Variants in LRCH3 observed in about 807,000 individuals in gnomAD.
The protein encoded by LRCH3 is leucine rich repeats and calponin homology domain containing 3, also known as DISP complex protein LRCH3.
Under a neutral mutation model 104.5 loss-of-function variants are expected in LRCH3, and 68 were observed. The observed-to-expected ratio is 0.65, with a 90% confidence interval of 0.54 to 0.80. The LOEUF (loss-of-function observed/expected upper bound fraction) is 0.80, where lower values mean the gene tolerates loss of function less well. Ranked by LOEUF, LRCH3 falls within the 30% of genes least tolerant of loss-of-function variation. The pLI is 0.00. For synonymous variants in LRCH3, 344 were observed against 361.3 expected, an observed-to-expected ratio of 0.95 and a Z score of 0.54; for missense variants, 951 against 953.9, an observed-to-expected ratio of 1.00 and a Z score of 0.04.
chr3:197,795,197 C>G (rs375658521), intron 1 of LRCH3, among the ~76,000 whole-genome samples: 1 of 151,886 alleles, frequency 6.6e-6, no homozygotes, highest in Non-Finnish European at 1.5e-5. Context: ...GTGGACAGCA[C>G]GCAAAAAATG....
intron 10 of LRCH3, among the ~76,000 whole-genome samples, chr3:197,846,897 A>G (rs1347423335): frequency 6.6e-6 from 1 of 152,120 alleles, no homozygotes; most frequent in African/African-American, 2.4e-5. Flanking sequence ...TTAAGCATTA[A>G]AAAGGGCTTT....
intron 20 of LRCH3, among the ~76,000 whole-genome samples, chr3:197,879,387 C>CTG (rs1713295455): frequency 6.6e-6 from 1 of 152,184 alleles, no homozygotes; most frequent in Admixed American, 6.5e-5. Flanking sequence ...TGGCTCACGC[C>CTG]TGTAATCCCA....
intron 15 of LRCH3, among the ~76,000 whole-genome samples, chr3:197,861,576 C>T (rs954377124): frequency 2.6e-5 from 4 of 152,096 alleles, no homozygotes; most frequent in African/African-American, 7.2e-5. Context: ...TTTTTCTATC[C>T]GACCTGCTGT....
At position 197,822,841 on chromosome 3, in the gene LRCH3, ACT is replaced by A. The variant is rs1376674523; in HGVS notation, c.640+2414_640+2415del. 6 of 148,030 alleles carry A rather than the reference ACT, an allele frequency of 4.1e-5. No individual in the cohort carries two copies. In the South Asian group the frequency reaches 8.5e-4, roughly 21 times the overall value. The allele number at this position is 148,030 out of a possible 1,614,324, so 9.2% of individuals were successfully genotyped here. The stretch of plus-strand genomic sequence containing the variant: ...TTTTTTTTTCTTGAGACGGAGTCTC[ACT>A]CTGTCACGCAGGCTGGAGTGCAGTG... On this transcript the variant is annotated intron_variant, in intron 4 of 20. Transcript: ENST00000425562.
rs188653298 is a variant in LRCH3 at position 197,816,499 on chromosome 3, C to T, written c.408-677C>T. On this transcript the variant is annotated intron_variant, in intron 2 of 20. Transcript: ENST00000425562. ...TTCGCCATGTTGGCCAGGCTGGTCT[C>T]GAACCCCTGACCTCCGGTGATCCAC... is the stretch of plus-strand genomic sequence containing the variant. 2.9e-3 allele frequency among the ~76,000 whole-genome samples: 439 copies of T among 152,260 alleles called. 3 individuals are homozygous for T. Among genetic ancestry groups the T allele is most frequent in the African/African-American group, 9.8e-3 (407 of 41,550 alleles).
chr3:197,791,704 C>T (rs1439582333), intron 1 of LRCH3, among the ~76,000 whole-genome samples, 164 bp downstream of exon 1: 8 of 152,014 alleles, frequency 5.3e-5, no homozygotes, highest in Non-Finnish European at 8.8e-5. Context: ...TCCGGGCCTG[C>T]GCCAGACCCA....
Position 197,791,388 on chromosome 3 carries a change from G to A in LRCH3, c.110G>A (p.Gly37Asp), listed in dbSNP as rs878970073. The A allele has an allele frequency of 6.3e-7, 1 of 1,596,422 alleles. No homozygotes were observed. Among genetic ancestry groups the A allele is most frequent in the Admixed American group, 1.8e-5 (1 of 56,542 alleles). ...GVHCGPSSGA[G>D]PGFGPGSWSR... is the part of the protein sequence containing the mutation. ...CACTGCGGCCCAAGCTCCGGGGCAG[G>A]CCCTGGTTTTGGCCCGGGCTCGTGG... Residue 37 changes from glycine to aspartate, a missense_variant, in exon 1 of 21, where the codon GGC (glycine) becomes GAC (aspartate). Gly to Asp is a moderately conservative substitution (Grantham distance 94). Coordinates refer to ENST00000425562, the MANE Select transcript of LRCH3 (RefSeq NM_001365715.1).
rs530311814 is a variant in LRCH3 at position 197,887,421 on chromosome 3, C to G, written c.*3755C>G. On this transcript the variant is annotated 3_prime_UTR_variant, in exon 21 of 21. Transcript: ENST00000425562. Reference sequence around the variant, plus strand: ...GAGAGCTCCCCCAGCAGAGCCCTTCCCATCACTGAACAGTGTTGGCGGCTG... The same window carrying G: ...GAGAGCTCCCCCAGCAGAGCCCTTCGCATCACTGAACAGTGTTGGCGGCTG... 2.0e-5 allele frequency: 3 copies of G among 147,192 alleles called. No individual in the cohort carries two copies. In the East Asian group the frequency reaches 6.1e-4, roughly 30 times the overall value. 9.1% of individuals were successfully genotyped at this position (147,192 alleles called of 1,614,324 possible).
chr3:197,839,251 A>G lies in LRCH3; in HGVS notation c.1252-70A>G, dbSNP rs1580744810. The stretch of plus-strand genomic sequence containing the variant: ...ATATATAAATTAAATGACAAATTGG[A>G]TGTGAACTGTGTAATCGCAGTGTTC... On this transcript the variant is annotated intron_variant, in intron 9 of 20. Coordinates refer to ENST00000425562, the MANE Select transcript of LRCH3 (RefSeq NM_001365715.1). 41 of 943,874 alleles carry G rather than the reference A, an allele frequency of 4.3e-5. 1 individual carries two copies. In the East Asian group the frequency reaches 1.1e-3, roughly 26 times the overall value. 58.5% of individuals were successfully genotyped at this position (943,874 alleles called of 1,614,324 possible). A position where few individuals can be genotyped will look rare whatever the true frequency, so the allele number is the denominator to read the frequency against.
In LRCH3 at chr3:197,829,687, G is replaced by C; in HGVS notation, c.887+14G>C. ...TTTTGGCTCCTGGTAAGTATATTCT[G>C]TCCCTTTATCTATCATATTTTTTGT... On this transcript the variant is annotated intron_variant, in intron 6 of 20. Transcript: ENST00000425562. 2 of 1,529,622 alleles carry C rather than the reference G, an allele frequency of 1.3e-6. No individual in the cohort carries two copies. Among genetic ancestry groups the C allele is most frequent in the East Asian group, 2.3e-5 (1 of 44,402 alleles). The allele number at this position is 1,529,622 out of a possible 1,614,324, so 94.8% of individuals were successfully genotyped here.
intron 5 of LRCH3, 115 bp from the exon 6 acceptor site, chr3:197,829,449 A>G (rs1286136591): frequency 5.2e-6 from 3 of 580,256 alleles, no homozygotes; most frequent in East Asian, 2.9e-5. Flanking sequence ...TACTGTATGT[A>G]CTTGATAGAA....
rs979934679 is a variant in LRCH3 at position 197,856,016 on chromosome 3, G to T, written c.1644+1571G>T. The stretch of plus-strand genomic sequence containing the variant: ...TCGTGCTCTACTGCCTCCCTCTCCA[G>T]TCTCCTCTCTGGGCTTGTGCCATAC... On this transcript the variant is annotated intron_variant, in intron 14 of 20. Transcript: ENST00000425562. The surrounding 1 kb of genome is among the most constrained non-coding windows in gnomAD (Gnocchi z 4.2). 3.9e-5 allele frequency among the ~76,000 whole-genome samples: 6 copies of T among 152,166 alleles called. No homozygotes were observed. The highest frequency in any genetic ancestry group is 1.2e-4 in the African/African-American group (5 of 41,448).
chr3:197,847,789 A>G lies in LRCH3; in HGVS notation c.1381-83A>G, dbSNP rs1738971748. ...CAAAGCAAAAGTTGCATGGGTCAAC[A>G]GTAGTTCCCTAAATTGATAGGGAAT... On this transcript the variant is annotated intron_variant, in intron 11 of 20. Coordinates refer to ENST00000425562, the MANE Select transcript of LRCH3 (RefSeq NM_001365715.1). 3 of 1,443,924 alleles carry G rather than the reference A, an allele frequency of 2.1e-6. No homozygotes were observed. In the Admixed American group the frequency reaches 5.8e-5, roughly 28 times the overall value. The allele number at this position is 1,443,924 out of a possible 1,614,324, so 89.4% of individuals were successfully genotyped here.
Position 197,812,593 on chromosome 3 carries a change from C to T in LRCH3, c.263-2315C>T, listed in dbSNP as rs562265035. The stretch of plus-strand genomic sequence containing the variant: ...GTGGCGCCATCTCGGCTCACTGCAA[C>T]CAAGCTGGATCATATGGTGGCTCTG... On this transcript the variant is annotated intron_variant, in intron 1 of 20. Coordinates refer to ENST00000425562, the MANE Select transcript of LRCH3 (RefSeq NM_001365715.1). Among the ~76,000 whole-genome samples the T allele has an allele frequency of 2.2e-3, 315 of 141,036 alleles. 3 individuals carry two copies. Among genetic ancestry groups the T allele is most frequent in the Non-Finnish European group, 4.0e-3 (267 of 66,254 alleles). 92.5% of individuals were successfully genotyped at this position (141,036 alleles called of 152,430 possible).
chr3:197,793,647 A>G (rs1013527124), intron 1 of LRCH3, among the ~76,000 whole-genome samples: 4 of 152,232 alleles, frequency 2.6e-5, no homozygotes, highest in East Asian at 1.9e-4. Context: ...ATGAAGAATA[A>G]TAAGTAATAC....
chr3:197,829,745 TG>T (rs774564709), intron 6 of LRCH3, 72 bp downstream of exon 6: 4 of 1,047,912 alleles, frequency 3.8e-6, no homozygotes, highest in Non-Finnish European at 5.6e-6. Flanking sequence ...TACTTAAATT[TG>T]CCTGAATGTT....
At chr3:197,867,122 C>G (rs1049875958) in intron 17 of LRCH3, among the ~76,000 whole-genome samples, 3 of 152,064 alleles carry the variant, frequency 2.0e-5, no homozygotes, top group Admixed American at 6.5e-5. Context: ...TGAAAAAATA[C>G]AAAAATTAGC....
At chr3:197,838,193 G>GA (rs761282539) in intron 9 of LRCH3, among the ~76,000 whole-genome samples, 6 of 152,242 alleles carry the variant, frequency 3.9e-5, no homozygotes, top group Non-Finnish European at 5.9e-5. Context: ...GCTGAAGTAG[G>GA]AAGACTGCTT....
intron 1 of LRCH3, among the ~76,000 whole-genome samples, chr3:197,812,098 C>T (rs528803690): frequency 6.6e-6 from 1 of 152,258 alleles, no homozygotes; most frequent in South Asian, 2.1e-4. Flanking sequence ...TACTGTTGTG[C>T]AGCTATCACC....
Sources: gnomAD v4.1 joint callset for allele counts (sites outside exome capture counted in the v4.1 genomes callset) on GRCh38, gnomAD v4.1.1 for gene constraint, Gnocchi (gnomAD v3.1) non-coding constraint, MANE v1.5 for transcripts, NCBI Gene and HGNC (gene_info 2026-07-23, HGNC 2026-07-21) for gene names.